Variants in MTMR12 observed in about 807,000 individuals in gnomAD.
MTMR12 encodes the protein myotubularin-related protein 12.
MTMR12 carries 33 observed loss-of-function variants against 96.7 expected under a neutral mutation model. The observed-to-expected ratio is 0.34, with a 90% CI of 0.26 to 0.46. MTMR12 has a LOEUF of 0.46. MTMR12 is among the 20% of genes least tolerant of loss of function. The pLI, the probability that MTMR12 is intolerant of heterozygous loss-of-function variation, is 1.00. For synonymous variants in MTMR12, 298 were observed against 327.2 expected (o/e 0.91, Z 0.96); for missense variants, 721 against 896.1 (o/e 0.80, Z 2.49).
intron 1 of MTMR12, among the ~76,000 whole-genome samples, chr5:32,286,848 C>A (rs1750558833): frequency 6.6e-6 from 1 of 152,280 alleles, no homozygotes. Flanking sequence ...TCCTTCTGGG[C>A]ACTGCTCCTC....
At chr5:32,297,595 A>G (rs1258306677) in intron 1 of MTMR12, among the ~76,000 whole-genome samples, 2 of 149,990 alleles carry the variant, frequency 1.3e-5, no homozygotes, top group South Asian at 2.1e-4. Flanking sequence ...GCTCATTAAG[A>G]TGCAAACTAA....
intron 1 of MTMR12, among the ~76,000 whole-genome samples, chr5:32,279,209 C>T (rs116701463): frequency 0.023 from 3,487 of 150,014 alleles, 143 homozygotes; most frequent in African/African-American, 0.08. Context: ...GAATTTGAGA[C>T]GGGCTTAGGA....
intron 2 of MTMR12, among the ~76,000 whole-genome samples, chr5:32,274,426 T>G (rs1223582222): frequency 6.6e-6 from 1 of 152,146 alleles, no homozygotes; most frequent in Non-Finnish European, 1.5e-5. Flanking sequence ...TGAGCTGCAC[T>G]TTCACGCAGA....
chr5:32,252,951 C>T (rs1748997975), intron 8 of MTMR12, among the ~76,000 whole-genome samples: 2 of 152,220 alleles, frequency 1.3e-5, no homozygotes, highest in African/African-American at 2.4e-5. Flanking sequence ...CGGACACTCA[C>T]ATCAACTAGT....
chr5:32,251,887 C>G (rs1748940846), intron 8 of MTMR12, among the ~76,000 whole-genome samples: 3 of 152,086 alleles, frequency 2.0e-5, no homozygotes, highest in Non-Finnish European at 4.4e-5. Flanking sequence ...TGTCCTGGAT[C>G]CCACTGGACT....
At chr5:32,286,364 A>C (rs1311304087) in intron 1 of MTMR12, among the ~76,000 whole-genome samples, 1 of 151,962 alleles carries the variant, frequency 6.6e-6, no homozygotes, top group Non-Finnish European at 1.5e-5. Flanking sequence ...AAAATGATGA[A>C]TAAGAATTGA....
intron 7 of MTMR12, among the ~76,000 whole-genome samples, chr5:32,258,228 T>C (rs916016060): frequency 8.5e-5 from 13 of 152,328 alleles, no homozygotes; most frequent in African/African-American, 2.6e-4. Context: ...TAATGGTCAC[T>C]AAGACACTTC....
chr5:32,306,254 A>C (rs1751360750), intron 1 of MTMR12, among the ~76,000 whole-genome samples: 1 of 152,190 alleles, frequency 6.6e-6, no homozygotes, highest in African/African-American at 2.4e-5. Flanking sequence ...AAGGTACTCA[A>C]CTTCTGAGTC....
Position 32,239,028 on chromosome 5 carries a change from G to A in MTMR12, c.1317C>T (p.Asn439=), listed in dbSNP as rs1748351658. ...MGGHCFLDRC[N]HLRQNDKEEV... ...CCTCTTTGTCGTTCTGGCGGAGATGGTTGCAGCGATCCAAGAAACAGTGGC... is the reference window on the plus strand; with the variant it reads ...CCTCTTTGTCGTTCTGGCGGAGATGATTGCAGCGATCCAAGAAACAGTGGC... Residue 439 remains asparagine (N), a synonymous_variant, in exon 13 of 16, where the codon AAC becomes AAT. Transcript: ENST00000382142. The A allele has an allele frequency of 6.2e-7, 1 of 1,604,848 alleles. No homozygotes were observed. Among genetic ancestry groups the A allele is most frequent in the African/African-American group, 1.3e-5 (1 of 74,898 alleles).
chr5:32,243,631 G>A, intron 10 of MTMR12, 32 bp from the exon 11 acceptor site: 1 of 1,416,574 alleles, frequency 7.1e-7, no homozygotes, highest in Non-Finnish European at 1.0e-6. Flanking sequence ...AAGACGTCAG[G>A]TCATTGTTCA....
At chr5:32,234,471 C>T (rs988507243) in intron 14 of MTMR12, among the ~76,000 whole-genome samples, 3 of 152,230 alleles carry the variant, frequency 2.0e-5, no homozygotes, top group Non-Finnish European at 4.4e-5. Flanking sequence ...ATCTGCTGGT[C>T]CCCATTCTCT....
rs1344012058 is a variant in MTMR12, at chr5:32,227,275, GTAAA to G, written c.*2499_*2502del. The G allele has an allele frequency of 1.3e-5, 2 of 152,580 alleles. No individual in the cohort carries two copies. Among genetic ancestry groups the G allele is most frequent in the Admixed American group, 6.6e-5 (1 of 15,266 alleles). The allele number at this position is 152,580 out of a possible 1,614,324, so 9.5% of individuals were successfully genotyped here. On this transcript the variant is annotated 3_prime_UTR_variant, in exon 16 of 16. Transcript: ENST00000382142. ...TGCACAGTACAGCATTTTAAACAAAGTAAATGGTCTCATTTCAGCTCTCACTGTT... is the reference window on the plus strand; with the variant it reads ...TGCACAGTACAGCATTTTAAACAAAGTGGTCTCATTTCAGCTCTCACTGTT...
chr5:32,247,708 A>C (rs1451854899), intron 10 of MTMR12: 9 of 977,778 alleles, frequency 9.2e-6, no homozygotes, highest in Non-Finnish European at 1.1e-5. Flanking sequence ...AAAAACTTTT[A>C]AAGGAAGAAA....
chr5:32,275,575 A>T (rs559878340), intron 2 of MTMR12, among the ~76,000 whole-genome samples: 1 of 152,356 alleles, frequency 6.6e-6, no homozygotes, highest in Non-Finnish European at 1.5e-5. Flanking sequence ...GGTTTATACC[A>T]GATCACAGAG....
intron 1 of MTMR12, among the ~76,000 whole-genome samples, chr5:32,284,122 C>T (rs530995295): frequency 1.9e-4 from 29 of 151,884 alleles, no homozygotes; most frequent in African/African-American, 6.8e-4. Context: ...GCCTGGGCAA[C>T]ATGGCCAAAC....
intron 8 of MTMR12, among the ~76,000 whole-genome samples, chr5:32,251,736 A>G (rs6875215): frequency 0.45 from 68,255 of 151,958 alleles, 16,452 homozygotes; most frequent in African/African-American, 0.62. Context: ...AGGCAACCAT[A>G]GAAGAGGGAA....
chr5:32,308,653 T>G (rs1432061480), intron 1 of MTMR12, among the ~76,000 whole-genome samples: 1 of 151,998 alleles, frequency 6.6e-6, no homozygotes, highest in Non-Finnish European at 1.5e-5. Flanking sequence ...CAGGCTGAAA[T>G]GCAGTGGCGT....
chr5:32,272,013 C>T (rs1749854983), intron 3 of MTMR12, 108 bp from the exon 4 acceptor site: 5 of 613,862 alleles, frequency 8.1e-6, no homozygotes, highest in South Asian at 2.8e-5. Context: ...AATGGGGGGC[C>T]GGGTGCAGTG....
chr5:32,274,171 G>C, intron 2 of MTMR12, 49 bp from the exon 3 acceptor site: 2 of 1,593,402 alleles, frequency 1.3e-6, no homozygotes, highest in East Asian at 2.2e-5. Flanking sequence ...GGGAACATAC[G>C]ATATGCAAAC....
Sources: allele counts gnomAD v4.1 joint callset (sites outside exome capture counted in the v4.1 genomes callset), GRCh38; gene constraint gnomAD v4.1.1; transcripts MANE v1.5; gene names NCBI Gene and HGNC (gene_info 2026-07-23, HGNC 2026-07-21).